Variants in LMF1 observed in about 807,000 individuals in gnomAD.
The protein encoded by LMF1 is lipase maturation factor 1, also known as transmembrane protein 112.
LMF1 carries 68 observed loss-of-function variants against 60.6 expected under a neutral mutation model. That is an observed-to-expected ratio of 1.12 (90% CI 0.92 to 1.37). LMF1 has a LOEUF of 1.37. Among genes scored for constraint, LMF1 ranks in the 40% most tolerant of loss-of-function variants. The pLI is 0.00. For synonymous variants in LMF1, 418 were observed against 324.7 expected (o/e 1.29, Z -3.09); for missense variants, 948 against 767.2 (o/e 1.24, Z -2.78).
At position 970,894 on chromosome 16, in the gene LMF1, C is replaced by A. The variant is rs778914284; in HGVS notation, c.87G>T (p.Ser29=). 1 of 1,577,214 alleles carries A rather than the reference C, an allele frequency of 6.3e-7. No homozygotes were observed. Among genetic ancestry groups the A allele is most frequent in the African/African-American group, 1.4e-5 (1 of 72,456 alleles). The change falls in exon 1 of 11, where the codon TCG becomes TCT. Residue 29 remains serine, a synonymous_variant. Transcript: ENST00000262301. ...KTGYSDPEPE[S]PPAPGRGPAG... is the part of the protein sequence containing the mutation. ...CGGGGCCACGCCCCGGCGCGGGCGGCGACTCAGGCTCCGGATCCGAGTACC... is the reference window on the plus strand; with the variant it reads ...CGGGGCCACGCCCCGGCGCGGGCGGAGACTCAGGCTCCGGATCCGAGTACC...
intron 2 of LMF1, chr16:947,508 C>A (rs1051039083): frequency 6.6e-6 from 3 of 455,980 alleles, no homozygotes; most frequent in Non-Finnish European, 1.3e-5. Flanking sequence ...CCAGCCCTGG[C>A]GCTGCTCTCA....
chr16:892,919 A>T, intron 5 of LMF1, 88 bp downstream of exon 5: 1 of 975,770 alleles, frequency 1.0e-6, no homozygotes, highest in Non-Finnish European at 1.5e-6. Context: ...ACAGCTCACC[A>T]GGGTGTGCAG....
intron 3 of LMF1, chr16:933,885 C>T: frequency 8.9e-7 from 1 of 1,120,704 alleles, no homozygotes. Context: ...GTGCCGTGAG[C>T]ACCGTGAACC....
intron 4 of LMF1, among the ~76,000 whole-genome samples, chr16:893,959 G>C (rs1052164969): frequency 1.5e-4 from 23 of 152,036 alleles, no homozygotes; most frequent in African/African-American, 5.3e-4. Flanking sequence ...AACCACTCCC[G>C]GCCAAATCCC....
At chr16:922,296 C>T (rs976255149) in intron 3 of LMF1, among the ~76,000 whole-genome samples, 5 of 152,174 alleles carry the variant, frequency 3.3e-5, no homozygotes, top group Middle Eastern at 3.2e-3. Flanking sequence ...AGCCACCTCC[C>T]GAGGGGGGCC....
In LMF1 at chr16:924,565, G is replaced by C. The variant is rs577416077; in HGVS notation, c.514+9679C>G. On this transcript the variant is annotated intron_variant, in intron 3 of 10. Transcript: ENST00000262301. ...CTGTCCTTGGTCTAGAGGCATTAGC[G>C]CTGAAGGTTATAAAACCACACCATC... is the stretch of plus-strand genomic sequence containing the variant. Among the ~76,000 whole-genome samples the C allele has an allele frequency of 7.6e-4, 116 of 152,270 alleles. 2 individuals are homozygous for C. The highest frequency in any genetic ancestry group is 2.7e-3 in the African/African-American group (113 of 41,542).
chr16:917,594 C>T (rs1291654306), intron 3 of LMF1, among the ~76,000 whole-genome samples: 2 of 152,230 alleles, frequency 1.3e-5, no homozygotes, highest in Non-Finnish European at 2.9e-5. Context: ...GTTCTAGGGG[C>T]TTGTCCAGGC....
At position 874,410 on chromosome 16, in the gene LMF1, C is replaced by T. The variant is rs1403295148; in HGVS notation, c.898-3069G>A. Among the ~76,000 whole-genome samples, 1 of 152,290 alleles carries T rather than the reference C, an allele frequency of 6.6e-6. No homozygotes were observed. The highest frequency in any genetic ancestry group is 1.9e-4 in the East Asian group (1 of 5,168). On this transcript the variant is annotated intron_variant, in intron 6 of 10. Coordinates refer to ENST00000262301, the MANE Select transcript of LMF1 (RefSeq NM_022773.4). The surrounding 1 kb of genome is among the most constrained non-coding windows in gnomAD (Gnocchi z 4.1). The stretch of plus-strand genomic sequence containing the variant: ...GGGCAGGCGCCTCAGAGGTTCCAGA[C>T]CTGAGCTCACCCCCTGCCCCTCCCG...
intron 3 of LMF1, among the ~76,000 whole-genome samples, chr16:927,073 C>T (rs1049111867): frequency 6.6e-6 from 1 of 152,168 alleles, no homozygotes; most frequent in East Asian, 1.9e-4. Flanking sequence ...GCCCAGAGGC[C>T]TCCAGAGATG....
chr16:874,843 A>G lies in LMF1; in HGVS notation c.898-3502T>C, dbSNP rs2151707104. Among the ~76,000 whole-genome samples the G allele has an allele frequency of 6.6e-6, 1 of 152,132 alleles. No homozygotes were observed. The highest frequency in any genetic ancestry group is 2.1e-4 in the South Asian group (1 of 4,824). On this transcript the variant is annotated intron_variant, in intron 6 of 10. Coordinates refer to ENST00000262301, the MANE Select transcript of LMF1 (RefSeq NM_022773.4). This position sits in a 1 kb window ranked among gnomAD's most constrained non-coding sequence, Gnocchi z 4.1. ...GCGGCACAGGGGAGTACGCAGCCCCAGCCAGGACACTACAATGTTAGAGGG... is the reference window on the plus strand; with the variant it reads ...GCGGCACAGGGGAGTACGCAGCCCCGGCCAGGACACTACAATGTTAGAGGG...
At chr16:895,369 C>A (rs373296997) in intron 4 of LMF1, among the ~76,000 whole-genome samples, 5 of 152,206 alleles carry the variant, frequency 3.3e-5, no homozygotes, top group African/African-American at 1.2e-4. Context: ...CCCAGTAGCA[C>A]GGAGGCCAGT....
rs533633746 is a variant in LMF1 at position 874,225 on chromosome 16, G to A, written c.898-2884C>T. 3.3e-5 allele frequency among the ~76,000 whole-genome samples: 5 copies of A among 152,350 alleles called. No individual in the cohort carries two copies. In the East Asian group the frequency reaches 5.8e-4, roughly 18 times the overall value. On this transcript the variant is annotated intron_variant, in intron 6 of 10. Coordinates refer to ENST00000262301, the MANE Select transcript of LMF1 (RefSeq NM_022773.4). This position sits in a 1 kb window ranked among gnomAD's most constrained non-coding sequence, Gnocchi z 4.1. Reference sequence around the variant, plus strand: ...AACCGAAACACAGCTAAGGGCCGGTGAGCCCAGCTCTGGGACAGAGCCTCA... The same window carrying A: ...AACCGAAACACAGCTAAGGGCCGGTAAGCCCAGCTCTGGGACAGAGCCTCA...
intron 5 of LMF1, among the ~76,000 whole-genome samples, chr16:887,762 G>C (rs28503555): frequency 0.11 from 16,588 of 152,184 alleles, 1,020 homozygotes; most frequent in East Asian, 0.27. Context: ...GCCGTGGCCT[G>C]GGCCCGGAGT....
intron 5 of LMF1, among the ~76,000 whole-genome samples, chr16:890,055 G>A (rs2070434228): frequency 6.6e-6 from 1 of 151,978 alleles, no homozygotes; most frequent in African/African-American, 2.4e-5. Context: ...CCCACACACT[G>A]CCCCCTGTAC....
intron 1 of LMF1, chr16:980,154 G>C (rs11863963): frequency 0.45 from 97,296 of 215,126 alleles, 24,201 homozygotes; most frequent in African/African-American, 0.69. Flanking sequence ...ACCGCCCTCC[G>C]GGCAGGTGAC....
intron 5 of LMF1, among the ~76,000 whole-genome samples, chr16:892,532 G>T (rs1055693832): frequency 6.6e-6 from 1 of 152,240 alleles, no homozygotes; most frequent in Non-Finnish European, 1.5e-5. Flanking sequence ...TTGGTCTGGG[G>T]GCCAAGCACA....
At position 871,297 on chromosome 16, in the gene LMF1, C is replaced by G; in HGVS notation, c.942G>C (p.Leu314=). Residue 314 remains leucine (L), a synonymous_variant, in exon 7 of 11, where the codon CTG becomes CTC. Transcript: ENST00000262301. The part of the protein sequence containing the change: ...VSGNLSFLNW[L]TMVPSLACFD... Reference sequence around the variant, plus strand: ...AGCAGGCCAGGCTGGGCACCATAGTCAGCCAGTTCAGGAAGCTGAGGTTCC... The same window carrying G: ...AGCAGGCCAGGCTGGGCACCATAGTGAGCCAGTTCAGGAAGCTGAGGTTCC... 1.9e-6 allele frequency: 3 copies of G among 1,612,532 alleles called. No homozygotes were observed. The South Asian group carries it at 3.3e-5, about 18-fold the overall frequency.
chr16:935,580 A>AAAAAAAC lies in LMF1; in HGVS notation c.504-1327_504-1326insGTTTTTT, dbSNP rs933436692. ...GTGACAGCTGATGAGCTAAAAAAAA[A>AAAAAAAC]AAAACTCATAATGTTTTAAGAAAGT... On this transcript the variant is annotated intron_variant, in intron 2 of 10. Coordinates refer to ENST00000262301, the MANE Select transcript of LMF1 (RefSeq NM_022773.4). Among the ~76,000 whole-genome samples, 332 of 152,228 alleles carry AAAAAAAC rather than the reference A, an allele frequency of 2.2e-3. 4 individuals carry two copies. The highest frequency in any genetic ancestry group is 7.4e-3 in the African/African-American group (308 of 41,488).
At chr16:978,287 C>T (rs1217376750) in intron 1 of LMF1, among the ~76,000 whole-genome samples, 1 of 150,414 alleles carries the variant, frequency 6.6e-6, no homozygotes, top group African/African-American at 2.5e-5. Context: ...ACCACACACA[C>T]CATAAACACA....
Sources: gnomAD v4.1 joint callset for allele counts (sites outside exome capture counted in the v4.1 genomes callset) on GRCh38, gnomAD v4.1.1 for gene constraint, Gnocchi (gnomAD v3.1) non-coding constraint, MANE v1.5 for transcripts, NCBI Gene and HGNC (gene_info 2026-07-23, HGNC 2026-07-21) for gene names.